Variants in SLC6A6 observed in about 807,000 individuals in gnomAD.
SLC6A6 encodes sodium- and chloride-dependent taurine transporter.
In SLC6A6, 16 loss-of-function variants were observed where a neutral mutation model predicts 68.8. That is an observed-to-expected ratio of 0.23 (90% CI 0.16 to 0.35). The LOEUF is 0.35. Among genes scored for constraint, SLC6A6 ranks in the 10% least tolerant of loss-of-function variants. The probability of loss-of-function intolerance (pLI) is 1.00; values close to 1 mark genes in which losing one functional copy is unlikely to be tolerated. For synonymous variants in SLC6A6, 312 were observed against 315.4 expected (o/e 0.99, Z 0.12); for missense variants, 474 against 802.8 (o/e 0.59, Z 4.95).
Position 14,472,179 on chromosome 3 carries a change from C to G in SLC6A6, c.1097-26C>G. ...GTGGCTGATGTCTCCTCCCCTGTGCCCCTCCCCGTTTTCTTTCCTTTCTAG... is the reference window on the plus strand; with the variant it reads ...GTGGCTGATGTCTCCTCCCCTGTGCGCCTCCCCGTTTTCTTTCCTTTCTAG... On this transcript the variant is annotated intron_variant, in intron 9 of 14. Coordinates refer to ENST00000622186, the MANE Select transcript of SLC6A6 (RefSeq NM_003043.6). The surrounding 1 kb of genome is among the most constrained non-coding windows in gnomAD (Gnocchi z 4.5). 1 of 1,419,028 alleles carries G rather than the reference C, an allele frequency of 7.0e-7. No individual in the cohort carries two copies. Among genetic ancestry groups the G allele is most frequent in the Non-Finnish European group, 1.0e-6 (1 of 1,002,272 alleles). 87.9% of individuals were successfully genotyped at this position (1,419,028 alleles called of 1,614,324 possible).
intron 5 of SLC6A6, among the ~76,000 whole-genome samples, chr3:14,455,654 G>A (rs1700349989): frequency 1.3e-5 from 2 of 152,202 alleles, no homozygotes; most frequent in Non-Finnish European, 2.9e-5. Context: ...GGGAGATGGT[G>A]GAAAGGTGCT....
At chr3:14,482,247 C>A (rs1295377612) in intron 14 of SLC6A6, among the ~76,000 whole-genome samples, 1 of 152,178 alleles carries the variant, frequency 6.6e-6, no homozygotes, top group Non-Finnish European at 1.5e-5. Flanking sequence ...GGGACAAAGC[C>A]AGGAGCCTAG....
intron 1 of SLC6A6, among the ~76,000 whole-genome samples, chr3:14,408,848 C>A (rs2124893965): frequency 6.6e-6 from 1 of 152,010 alleles, no homozygotes; most frequent in South Asian, 2.1e-4. Context: ...GCTCTGTCGC[C>A]CAGGCTGGAG....
chr3:14,405,203 A>G (rs767214396), intron 1 of SLC6A6, among the ~76,000 whole-genome samples: 16 of 151,996 alleles, frequency 1.1e-4, no homozygotes, highest in Non-Finnish European at 2.2e-4. Context: ...AGCCTATGGG[A>G]CCCATTTGCA....
intron 6 of SLC6A6, among the ~76,000 whole-genome samples, chr3:14,462,988 C>G (rs1261737362): frequency 6.6e-6 from 1 of 152,206 alleles, no homozygotes; most frequent in Non-Finnish European, 1.5e-5. Flanking sequence ...TCTCACAACT[C>G]TCTGCTGAAG....
rs924033852 is a variant in SLC6A6 at position 14,488,636 on chromosome 3, G to A, written c.*3629G>A. 6.6e-6 allele frequency: 1 copy of A among 152,220 alleles called. No homozygotes were observed. Among genetic ancestry groups the A allele is most frequent in the Non-Finnish European group, 1.5e-5 (1 of 68,048 alleles). The allele number at this position is 152,220 out of a possible 1,614,324, so 9.4% of individuals were successfully genotyped here. A position where few individuals can be genotyped will look rare whatever the true frequency, so the allele number is the denominator to read the frequency against. On this transcript the variant is annotated 3_prime_UTR_variant, in exon 15 of 15. Transcript: ENST00000622186. The stretch of plus-strand genomic sequence containing the variant: ...CCCAGGCCAGGCTGCCTGGGACACG[G>A]TAAATACCACTGTGTGCAAAAATCG...
chr3:14,462,957 T>G (rs1700529769), intron 6 of SLC6A6, among the ~76,000 whole-genome samples: 3 of 152,170 alleles, frequency 2.0e-5, no homozygotes, highest in Admixed American at 2.0e-4. Context: ...GGAGGCCGCC[T>G]GGGGAGATAC....
chr3:14,454,747 T>A (rs1231779466), intron 5 of SLC6A6, among the ~76,000 whole-genome samples: 1 of 152,216 alleles, frequency 6.6e-6, no homozygotes, highest in East Asian at 1.9e-4. Context: ...AAAAATACTT[T>A]GCAAAGTGCA....
intron 1 of SLC6A6, among the ~76,000 whole-genome samples, chr3:14,410,021 A>C (rs2124896148): frequency 6.6e-6 from 1 of 152,140 alleles, no homozygotes; most frequent in East Asian, 1.9e-4. Context: ...CCCCATTTCT[A>C]CTAAAAATAC....
rs148259395 is a variant in SLC6A6, at chr3:14,479,170, T to C, written c.1536T>C (p.Thr512=). ...PWMKYSWAVI[T]PVLCVGCFIF... Reference sequence around the variant, plus strand: ...TGAAGTACAGCTGGGCTGTGATCACTCCAGTTCTCTGTGTTGTGAGTTCCA... The same window carrying C: ...TGAAGTACAGCTGGGCTGTGATCACCCCAGTTCTCTGTGTTGTGAGTTCCA... Residue 512 remains threonine, a synonymous_variant, in exon 13 of 15, where the codon ACT becomes ACC. Coordinates refer to ENST00000622186, the MANE Select transcript of SLC6A6 (RefSeq NM_003043.6). 5 of 1,608,978 alleles carry C rather than the reference T, an allele frequency of 3.1e-6. No homozygotes were observed. Among genetic ancestry groups the C allele is most frequent in the Non-Finnish European group, 4.3e-6 (5 of 1,175,226 alleles).
At chr3:14,415,650 G>A (rs1213006534) in intron 1 of SLC6A6, among the ~76,000 whole-genome samples, 1 of 152,210 alleles carries the variant, frequency 6.6e-6, no homozygotes, top group Non-Finnish European at 1.5e-5. Context: ...CTGGTAGGAG[G>A]AGGTGATCTG....
intron 2 of SLC6A6, among the ~76,000 whole-genome samples, chr3:14,437,501 G>A (rs1699884137): frequency 6.6e-6 from 1 of 152,140 alleles, no homozygotes; most frequent in South Asian, 2.1e-4. Flanking sequence ...AATAAAAATT[G>A]TATATATTTA....
At chr3:14,478,963 G>A in intron 12 of SLC6A6, 122 bp from the exon 13 acceptor site, 2 of 673,090 alleles carry the variant, frequency 3.0e-6, no homozygotes, top group Non-Finnish European at 2.7e-6. Context: ...TGCCACACTT[G>A]TATATCCATG....
chr3:14,468,306 A>AG lies in SLC6A6; in HGVS notation c.1096+100dup, dbSNP rs1311253785. The AG allele has an allele frequency of 1.4e-5, 14 of 1,032,312 alleles. No homozygotes were observed. The African/African-American group carries it at 1.4e-4, about 10-fold the overall frequency. The allele number at this position is 1,032,312 out of a possible 1,614,324, so 63.9% of individuals were successfully genotyped here. A position where few individuals can be genotyped will look rare whatever the true frequency, so the allele number is the denominator to read the frequency against. The stretch of plus-strand genomic sequence containing the variant: ...TGAAGCCAGACCCCAGGGGGCTTTG[A>AG]GGGGGGACGAGCCTGGTTTCTAAAA... On this transcript the variant is annotated intron_variant, in intron 9 of 14. Coordinates refer to ENST00000622186, the MANE Select transcript of SLC6A6 (RefSeq NM_003043.6). The surrounding 1 kb of genome is among the most constrained non-coding windows in gnomAD (Gnocchi z 4.5).
At chr3:14,470,001 G>A (rs1574960253) in intron 9 of SLC6A6, among the ~76,000 whole-genome samples, 2 of 152,158 alleles carry the variant, frequency 1.3e-5, no homozygotes, top group Admixed American at 1.3e-4. Flanking sequence ...AGGGAGTTTG[G>A]CAATTAGAGT....
chr3:14,422,792 A>G (rs2124913388), intron 2 of SLC6A6, among the ~76,000 whole-genome samples: 1 of 152,234 alleles, frequency 6.6e-6, no homozygotes. Context: ...CAAAGGACTC[A>G]CGCCTCCTAC....
intron 6 of SLC6A6, among the ~76,000 whole-genome samples, chr3:14,459,428 A>G (rs944203833): frequency 2.6e-5 from 4 of 152,134 alleles, no homozygotes; most frequent in African/African-American, 7.2e-5. Context: ...CCAGGGTTGC[A>G]AGAGGTAGAA....
chr3:14,466,449 G>A, intron 6 of SLC6A6, 67 bp from the exon 7 acceptor site: 1 of 1,544,564 alleles, frequency 6.5e-7, no homozygotes, highest in South Asian at 1.2e-5. Context: ...GCCTCTCTGA[G>A]AGGATGCTCA....
chr3:14,403,446 G>T lies in SLC6A6; in HGVS notation c.-54+599G>T, dbSNP rs529564878. ...GTGTGGTTGTGTCTCCAGGTCCCTG[G>T]TTGTGGGCACTCGTGTGTCCTCGGC... On this transcript the variant is annotated intron_variant, in intron 1 of 14. Transcript: ENST00000622186. Among the ~76,000 whole-genome samples the T allele has an allele frequency of 2.0e-4, 31 of 152,302 alleles. No homozygotes were observed. In the South Asian group the frequency reaches 6.2e-3, roughly 31 times the overall value.
Sources: gnomAD v4.1 joint callset for allele counts (sites outside exome capture counted in the v4.1 genomes callset) on GRCh38, gnomAD v4.1.1 for gene constraint, Gnocchi (gnomAD v3.1) non-coding constraint, MANE v1.5 for transcripts, NCBI Gene and HGNC (gene_info 2026-07-23, HGNC 2026-07-21) for gene names.